SEC22A: variants seen among roughly 807,000 people sequenced by gnomAD.
SEC22A encodes the protein vesicle-trafficking protein SEC22a.
SEC22A carries 22 observed loss-of-function variants against 35.3 expected under a neutral mutation model. The ratio of observed to expected loss-of-function variants is 0.62; its 90% confidence interval spans 0.45 to 0.89. The LOEUF is 0.89. SEC22A is among the 40% of genes least tolerant of loss of function. The probability of loss-of-function intolerance (pLI) is 0.00; values close to 1 mark genes in which losing one functional copy is unlikely to be tolerated. For missense variants in SEC22A, 354 were observed against 362.5 expected, an observed-to-expected ratio of 0.98 and a Z score of 0.19; for synonymous variants, 119 against 129.5, an observed-to-expected ratio of 0.92 and a Z score of 0.55.
intron 5 of SEC22A, among the ~76,000 whole-genome samples, chr3:123,255,775 A>G (rs1006908980): frequency 2.0e-5 from 3 of 152,160 alleles, no homozygotes; most frequent in Non-Finnish European, 4.4e-5. Flanking sequence ...TAGTGGCCGC[A>G]TGACTTTTTA....
chr3:123,209,983 CAGAA>C lies in SEC22A; in HGVS notation c.182+590_182+593del, dbSNP rs533053209. ...AAGCCCTTTTTTACATGCCAAGAGA[CAGAA>C]AGAAAACCAGTGATCCTGAAGAATT... On this transcript the variant is annotated intron_variant, in intron 2 of 6. Coordinates refer to ENST00000492595, the MANE Select transcript of SEC22A (RefSeq NM_012430.5). Among the ~76,000 whole-genome samples the C allele has an allele frequency of 4.5e-4, 69 of 152,216 alleles. No homozygotes were observed. In the South Asian group the frequency reaches 4.6e-3, roughly 10 times the overall value.
intron 6 of SEC22A, among the ~76,000 whole-genome samples, chr3:123,267,763 A>T (rs1938058349): frequency 6.6e-6 from 1 of 152,166 alleles, no homozygotes; most frequent in African/African-American, 2.4e-5. Context: ...GCTAGCAGCA[A>T]ATTATCTTAA....
At chr3:123,259,637 T>G in intron 6 of SEC22A, 48 bp downstream of exon 6, 4 of 1,279,458 alleles carry the variant, frequency 3.1e-6, no homozygotes, top group Non-Finnish European at 4.5e-6. Context: ...ATTGTTTACT[T>G]CGGGTATCAG....
intron 5 of SEC22A, among the ~76,000 whole-genome samples, chr3:123,257,213 C>G (rs7616689): frequency 0.21 from 31,902 of 152,130 alleles, 3,479 homozygotes; most frequent in Middle Eastern, 0.28. Context: ...CCCAGGGAGA[C>G]AGGAGTTAGT....
intron 2 of SEC22A, among the ~76,000 whole-genome samples, chr3:123,219,293 A>G (rs1024081948): frequency 6.6e-6 from 1 of 152,202 alleles, no homozygotes; most frequent in African/African-American, 2.4e-5. Flanking sequence ...CTTCCAGAAG[A>G]TAACTGTAAT....
chr3:123,209,511 C>A, intron 2 of SEC22A, 112 bp downstream of exon 2: 3 of 806,752 alleles, frequency 3.7e-6, no homozygotes, highest in Non-Finnish European at 5.8e-6. Context: ...TCAAGTCGAG[C>A]ATCATATTGT....
chr3:123,205,005 G>C (rs1421154809), intron 1 of SEC22A, among the ~76,000 whole-genome samples: 2 of 151,940 alleles, frequency 1.3e-5, no homozygotes, highest in Non-Finnish European at 2.9e-5. Context: ...GCCTGACATG[G>C]ACAGATTTCC....
At chr3:123,206,487 T>G (rs1354415143) in intron 1 of SEC22A, among the ~76,000 whole-genome samples, 1 of 152,210 alleles carries the variant, frequency 6.6e-6, no homozygotes, top group Non-Finnish European at 1.5e-5. Context: ...GACAACAGTT[T>G]TATAGTTAAA....
intron 5 of SEC22A, among the ~76,000 whole-genome samples, chr3:123,248,868 T>C (rs188466025): frequency 4.6e-5 from 7 of 152,346 alleles, no homozygotes; most frequent in Admixed American, 4.6e-4. Flanking sequence ...TATCAACATA[T>C]TCCCCAGTAC....
At chr3:123,257,878 A>C (rs1391150309) in intron 5 of SEC22A, among the ~76,000 whole-genome samples, 1 of 146,428 alleles carries the variant, frequency 6.8e-6, no homozygotes, top group African/African-American at 2.5e-5. Context: ...TGTAGTCCCA[A>C]CTATTCTGAA....
chr3:123,248,026 T>C (rs1276992873), intron 5 of SEC22A, among the ~76,000 whole-genome samples: 1 of 152,030 alleles, frequency 6.6e-6, no homozygotes, highest in Non-Finnish European at 1.5e-5. Flanking sequence ...TCATAAAAAC[T>C]TGGAGCGAAC....
chr3:123,221,470 CAAAAAAAAAAA>C (rs56800842), intron 2 of SEC22A, among the ~76,000 whole-genome samples: 2 of 60,606 alleles, frequency 3.3e-5, no homozygotes, highest in East Asian at 1.3e-3. Context: ...GAGTCCATCT[CAAAAAAAAAAA>C]AAAAAAAAAA....
chr3:123,228,966 AAAAG>A (rs931618896), intron 4 of SEC22A, among the ~76,000 whole-genome samples: 2 of 152,208 alleles, frequency 1.3e-5, no homozygotes, highest in Admixed American at 1.3e-4. Flanking sequence ...AAAAACAGAA[AAAAG>A]AATGAAGAAA....
intron 6 of SEC22A, among the ~76,000 whole-genome samples, chr3:123,263,583 C>T (rs1398216389): frequency 6.6e-6 from 1 of 151,608 alleles, no homozygotes; most frequent in African/African-American, 2.4e-5. Context: ...GTGGCGCGAT[C>T]TTGGCTCACT....
At chr3:123,211,261 G>T (rs1005684303) in intron 2 of SEC22A, among the ~76,000 whole-genome samples, 3 of 152,094 alleles carry the variant, frequency 2.0e-5, no homozygotes, top group Admixed American at 6.5e-5. Flanking sequence ...TTTGATTGGG[G>T]ATCACTTTGA....
At chr3:123,248,865 A>G (rs1937587619) in intron 5 of SEC22A, among the ~76,000 whole-genome samples, 1 of 152,220 alleles carries the variant, frequency 6.6e-6, no homozygotes, top group African/African-American at 2.4e-5. Flanking sequence ...TCATATCAAC[A>G]TATTCCCCAG....
At chr3:123,264,250 T>C (rs1158960104) in intron 6 of SEC22A, among the ~76,000 whole-genome samples, 2 of 152,248 alleles carry the variant, frequency 1.3e-5, no homozygotes, top group Admixed American at 1.3e-4. Flanking sequence ...TTTTAAAATG[T>C]TGGCTGTTAT....
rs540292908 is a variant in SEC22A, at chr3:123,264,198, C to G, written c.723+4609C>G. ...GCTCTAGGGTTACAGGTGTGAGCCACAACATCCAGCTTCATTTACTTATTG... is the reference window on the plus strand; with the variant it reads ...GCTCTAGGGTTACAGGTGTGAGCCAGAACATCCAGCTTCATTTACTTATTG... On this transcript the variant is annotated intron_variant, in intron 6 of 6. Coordinates refer to ENST00000492595, the MANE Select transcript of SEC22A (RefSeq NM_012430.5). Among the ~76,000 whole-genome samples, 18 of 152,302 alleles carry G rather than the reference C, an allele frequency of 1.2e-4. No individual in the cohort carries two copies. In the East Asian group the frequency reaches 3.3e-3, roughly 28 times the overall value.
intron 2 of SEC22A, among the ~76,000 whole-genome samples, chr3:123,213,184 A>G (rs570634610): frequency 6.4e-4 from 98 of 152,180 alleles, no homozygotes; most frequent in Non-Finnish European, 1.2e-3. Context: ...AGTTCCTGAC[A>G]AGGACCTGGA....
Sources: allele counts gnomAD v4.1 joint callset (sites outside exome capture counted in the v4.1 genomes callset), GRCh38; gene constraint gnomAD v4.1.1; transcripts MANE v1.5; gene names NCBI Gene and HGNC (gene_info 2026-07-23, HGNC 2026-07-21).